The following MYRIP variants were observed in gnomAD, a reference collection of about 807,000 sequenced individuals.
MYRIP encodes rab effector MyRIP.
A neutral mutation model predicts 98.0 loss-of-function variants in MYRIP; 49 were observed. The observed-to-expected ratio is 0.50, with a 90% CI of 0.40 to 0.63. MYRIP has a LOEUF of 0.63. Among genes scored for constraint, MYRIP ranks in the 30% least tolerant of loss-of-function variants. The probability of loss-of-function intolerance (pLI) is 0.00; values close to 1 mark genes in which losing one functional copy is unlikely to be tolerated. For missense variants in MYRIP, 1,004 were observed against 1,058.2 expected, an observed-to-expected ratio of 0.95 and a Z score of 0.71; for synonymous variants, 404 against 409.5, an observed-to-expected ratio of 0.99 and a Z score of 0.16.
intron 3 of MYRIP, among the ~76,000 whole-genome samples, chr3:40,097,066 C>T (rs558433548): frequency 6.6e-6 from 1 of 152,318 alleles, no homozygotes; most frequent in Admixed American, 6.5e-5. Context: ...GACCTTGACT[C>T]ACTGCCTTTG....
At chr3:39,837,021 C>T (rs1941647816) in intron 1 of MYRIP, among the ~76,000 whole-genome samples, 1 of 152,192 alleles carries the variant, frequency 6.6e-6, no homozygotes, top group African/African-American at 2.4e-5. Flanking sequence ...AGGTAAGACC[C>T]AGTCGCTTTC....
chr3:39,913,057 G>C (rs893020516), intron 2 of MYRIP, among the ~76,000 whole-genome samples: 2 of 151,938 alleles, frequency 1.3e-5, no homozygotes, highest in Non-Finnish European at 2.9e-5. Flanking sequence ...ATTATTTACT[G>C]TGATAAATTT....
At position 40,078,059 on chromosome 3, in the gene MYRIP, C is replaced by G. The variant is rs548020535; in HGVS notation, c.332+33788C>G. ...CTCAGGCATGGCGGGCTGCAGGTCC[C>G]GAGCCCTGCCCCGCGGGAAGGCAGC... On this transcript the variant is annotated intron_variant, in intron 3 of 16. Coordinates refer to ENST00000302541, the MANE Select transcript of MYRIP (RefSeq NM_015460.4). Among the ~76,000 whole-genome samples, 6 of 152,358 alleles carry G rather than the reference C, an allele frequency of 3.9e-5. No individual in the cohort carries two copies. The South Asian group carries it at 1.2e-3, about 32-fold the overall frequency.
chr3:40,222,057 A>T (rs1464480547), intron 11 of MYRIP, among the ~76,000 whole-genome samples: 1 of 152,144 alleles, frequency 6.6e-6, no homozygotes, highest in East Asian at 1.9e-4. Flanking sequence ...TTGCCCAGGA[A>T]AGAATTCAAG....
At chr3:40,102,207 G>A (rs1948958349) in intron 3 of MYRIP, among the ~76,000 whole-genome samples, 1 of 152,146 alleles carries the variant, frequency 6.6e-6, no homozygotes, top group Admixed American at 6.6e-5. Context: ...CCTTTCTAAG[G>A]AGTAAACCTC....
intron 2 of MYRIP, among the ~76,000 whole-genome samples, chr3:39,930,388 GTTAC>G (rs918548836): frequency 1.4e-4 from 21 of 151,688 alleles, no homozygotes; most frequent in Admixed American, 1.3e-4. Context: ...TTTTATTTGG[GTTAC>G]TTGTCTTTTT....
rs528772692 is a variant in MYRIP, at chr3:40,114,866, G to A, written c.333-36182G>A. On this transcript the variant is annotated intron_variant, in intron 3 of 16. Coordinates refer to ENST00000302541, the MANE Select transcript of MYRIP (RefSeq NM_015460.4). ...AATTACAAATGCATATGACCTTTGA[G>A]CTAATCATTTAATTTCTAGAAATAT... Among the ~76,000 whole-genome samples the A allele has an allele frequency of 1.2e-3, 177 of 152,218 alleles. 2 individuals carry two copies. In the South Asian group the frequency reaches 0.034, roughly 30 times the overall value.
chr3:39,970,563 C>T (rs572888029), intron 2 of MYRIP, among the ~76,000 whole-genome samples: 8 of 152,170 alleles, frequency 5.3e-5, no homozygotes, highest in African/African-American at 1.9e-4. Flanking sequence ...CACTTATTTG[C>T]CAGACATAAA....
intron 2 of MYRIP, among the ~76,000 whole-genome samples, chr3:39,973,446 A>G (rs1017713912): frequency 1.3e-5 from 2 of 152,152 alleles, no homozygotes; most frequent in Admixed American, 1.3e-4. Flanking sequence ...CCCACACAAT[A>G]ATAATGGGAG....
intron 3 of MYRIP, among the ~76,000 whole-genome samples, chr3:40,131,633 A>G (rs1045930298): frequency 6.6e-6 from 1 of 152,194 alleles, no homozygotes; most frequent in African/African-American, 2.4e-5. Flanking sequence ...CCATTTATAA[A>G]ATAGCGTATG....
At chr3:39,868,122 C>T (rs1230491086) in intron 1 of MYRIP, among the ~76,000 whole-genome samples, 8 of 152,066 alleles carry the variant, frequency 5.3e-5, no homozygotes, top group Admixed American at 5.2e-4. Flanking sequence ...ACTTTTGGGC[C>T]CTGCTCCCTA....
In MYRIP at chr3:40,028,152, C is replaced by T. The variant is rs530041052; in HGVS notation, c.111-15898C>T. On this transcript the variant is annotated intron_variant, in intron 2 of 16. Coordinates refer to ENST00000302541, the MANE Select transcript of MYRIP (RefSeq NM_015460.4). Reference sequence around the variant, plus strand: ...TGAGCCTGTGTGTGTCCTCTCAACACGGAATGCTTTACCCTCTAACAACCT... The same window carrying T: ...TGAGCCTGTGTGTGTCCTCTCAACATGGAATGCTTTACCCTCTAACAACCT... 3.5e-4 allele frequency among the ~76,000 whole-genome samples: 53 copies of T among 152,222 alleles called. 1 individual carries two copies. The highest frequency in any genetic ancestry group is 8.2e-4 in the African/African-American group (34 of 41,560).
intron 2 of MYRIP, among the ~76,000 whole-genome samples, chr3:39,949,411 C>T (rs932821478): frequency 1.3e-5 from 2 of 152,058 alleles, no homozygotes; most frequent in Admixed American, 6.6e-5. Context: ...ACATAATACA[C>T]TCAATGTTGA....
intron 2 of MYRIP, among the ~76,000 whole-genome samples, chr3:39,949,769 G>C (rs888926110): frequency 3.9e-5 from 6 of 152,272 alleles, no homozygotes; most frequent in African/African-American, 1.4e-4. Flanking sequence ...TCTGGGCCCT[G>C]GATATGATTT....
intron 2 of MYRIP, among the ~76,000 whole-genome samples, chr3:40,027,709 G>A (rs970753446): frequency 2.6e-5 from 4 of 151,848 alleles, no homozygotes; most frequent in African/African-American, 9.7e-5. Flanking sequence ...TGAAGAGAGG[G>A]GCTATGTCTT....
chr3:39,851,772 G>A (rs1942136886), intron 1 of MYRIP, among the ~76,000 whole-genome samples: 1 of 152,152 alleles, frequency 6.6e-6, no homozygotes. Flanking sequence ...TGAGCTTGGA[G>A]CCTCCATGGG....
At chr3:40,112,911 A>G (rs1949189453) in intron 3 of MYRIP, among the ~76,000 whole-genome samples, 1 of 152,152 alleles carries the variant, frequency 6.6e-6, no homozygotes, top group African/African-American at 2.4e-5. Context: ...CCTACCAGAA[A>G]CTATTAAAAT....
chr3:40,123,507 A>C (rs1949451209), intron 3 of MYRIP, among the ~76,000 whole-genome samples: 1 of 152,200 alleles, frequency 6.6e-6, no homozygotes, highest in Non-Finnish European at 1.5e-5. Context: ...CATAAGTCTC[A>C]GGATAGCTCC....
chr3:40,232,207 C>T (rs1952682120), intron 11 of MYRIP, among the ~76,000 whole-genome samples: 1 of 152,168 alleles, frequency 6.6e-6, no homozygotes, highest in African/African-American at 2.4e-5. Context: ...GCTATTGGGT[C>T]AGTCAAGCAG....
Sources: allele counts gnomAD v4.1 joint callset (sites outside exome capture counted in the v4.1 genomes callset), GRCh38; gene constraint gnomAD v4.1.1; transcripts MANE v1.5; gene names NCBI Gene and HGNC (gene_info 2026-07-23, HGNC 2026-07-21).